CFAP100: variants seen among roughly 807,000 people sequenced by gnomAD.
The protein encoded by CFAP100 is cilia- and flagella-associated protein 100.
Under a neutral mutation model 81.5 loss-of-function variants are expected in CFAP100, and 70 were observed. That is an observed-to-expected ratio of 0.86 (90% confidence interval 0.71 to 1.05). The LOEUF (loss-of-function observed/expected upper bound fraction) is 1.05, where lower values mean the gene tolerates loss of function less well. Among genes scored for constraint, CFAP100 ranks in the 50% least tolerant of loss-of-function variants. The pLI, the probability that CFAP100 is intolerant of heterozygous loss-of-function variation, is 0.00. For missense variants in CFAP100, 811 were observed against 776.5 expected (o/e 1.04, Z -0.53); for synonymous variants, 341 against 314.8 (o/e 1.08, Z -0.88).
intron 3 of CFAP100, among the ~76,000 whole-genome samples, chr3:126,407,635 G>T (rs1302599584): frequency 3.3e-5 from 5 of 152,156 alleles, no homozygotes; most frequent in African/African-American, 1.2e-4. Context: ...CTGATTCCAG[G>T]CAGGGAAAAG....
At chr3:126,428,506 A>C (rs751820819) in intron 13 of CFAP100, among the ~76,000 whole-genome samples, 12 of 152,226 alleles carry the variant, frequency 7.9e-5, no homozygotes, top group Non-Finnish European at 1.6e-4. Context: ...ACCTGCATGT[A>C]AAGTCTGGAC....
At chr3:126,418,179 G>C (rs994525551) in intron 5 of CFAP100, 2 of 446,838 alleles carry the variant, frequency 4.5e-6, no homozygotes, top group Non-Finnish European at 8.2e-6. Flanking sequence ...GAGCCTTACT[G>C]CAAGTGAGTG....
At position 126,420,219 on chromosome 3, in the gene CFAP100, G is replaced by A. The variant is rs377186686; in HGVS notation, c.1072G>A (p.Asp358Asn). The A allele has an allele frequency of 3.1e-5, 50 of 1,612,046 alleles. No individual in the cohort carries two copies. The highest frequency in any genetic ancestry group is 3.7e-4 in the Middle Eastern group (2 of 5,360). ...CCAGCCCAGCGAGTCCAGCGGTGGC[G>A]ACTCCAGAGGGTGAGTGGGCTCGGG... ...GSQPSESSGGDSRGSNSPIPP... is the reference protein window; with the variant it reads ...GSQPSESSGGNSRGSNSPIPP... The change falls in exon 11 of 17, where the codon GAC (aspartate) becomes AAC (asparagine). Residue 358 changes from aspartate to asparagine, a missense_variant. By Grantham distance (23) the Asp-to-Asn change is conservative (BLOSUM62 1). Transcript: ENST00000352312.
At chr3:126,403,403 G>C (rs1241852122) in intron 2 of CFAP100, among the ~76,000 whole-genome samples, 8 of 58,630 alleles carry the variant, frequency 1.4e-4, no homozygotes, top group Non-Finnish European at 2.6e-4. Flanking sequence ...TTTTTTTTTT[G>C]AGACAGGGTC....
chr3:126,421,209 G>A (rs1159485640), intron 11 of CFAP100, among the ~76,000 whole-genome samples: 1 of 152,018 alleles, frequency 6.6e-6, no homozygotes, highest in Non-Finnish European at 1.5e-5. Flanking sequence ...TTGCCATGTT[G>A]GGCAGGCTGG....
At chr3:126,397,264 G>T (rs1202229890) in intron 2 of CFAP100, among the ~76,000 whole-genome samples, 2 of 152,224 alleles carry the variant, frequency 1.3e-5, no homozygotes, top group South Asian at 4.1e-4. Context: ...CTGTTCATAT[G>T]GGTGATTAGC....
intron 4 of CFAP100, chr3:126,414,447 C>CA: frequency 1.6e-6 from 1 of 618,318 alleles, no homozygotes; most frequent in Non-Finnish European, 2.9e-6. Flanking sequence ...GCAACAGCCT[C>CA]AGCCACCTCG....
chr3:126,430,852 T>A (rs75343794), intron 13 of CFAP100, among the ~76,000 whole-genome samples: 2,127 of 152,258 alleles, frequency 0.014, 21 homozygotes, highest in South Asian at 0.023. Flanking sequence ...GTCTTACAGT[T>A]CACTGGGAGT....
rs58954079 is a variant in CFAP100 at position 126,411,361 on chromosome 3, G to GTTTTTTTTTTTTTTTTTTTTTTTTTTTTT, written c.131-2698_131-2697insTTTTTTTTTTTTTTTTTTTTTTTTTTTTT. Among the ~76,000 whole-genome samples, 10 of 35,384 alleles carry GTTTTTTTTTTTTTTTTTTTTTTTTTTTTT rather than the reference G, an allele frequency of 2.8e-4. 3 individuals carry two copies. Among genetic ancestry groups the GTTTTTTTTTTTTTTTTTTTTTTTTTTTTT allele is most frequent in the Non-Finnish European group, 2.8e-4 (6 of 21,538 alleles). 23.2% of individuals were successfully genotyped at this position (35,384 alleles called of 152,430 possible). A position where few individuals can be genotyped will look rare whatever the true frequency, so the allele number is the denominator to read the frequency against. ...TCTGTAGTTTTTTTTGTTGTTGTTG[G>GTTTTTTTTTTTTTTTTTTTTTTTTTTTTT]TTTTTTTTTTTTTTTTTTTTTTTTT... is the stretch of plus-strand genomic sequence containing the variant. On this transcript the variant is annotated intron_variant, in intron 3 of 16. Transcript: ENST00000352312.
chr3:126,419,933 C>G (rs964229607), intron 9 of CFAP100, 47 bp from the exon 10 acceptor site: 1 of 1,612,656 alleles, frequency 6.2e-7, no homozygotes, highest in Non-Finnish European at 8.5e-7. Context: ...GTTGCTGAAG[C>G]TTGGCTGCAG....
intron 8 of CFAP100, 103 bp from the exon 9 acceptor site, chr3:126,419,534 C>A: frequency 9.7e-7 from 1 of 1,035,758 alleles, no homozygotes; most frequent in Non-Finnish European, 1.4e-6. Context: ...ACAAGGAGCC[C>A]ACACAGACTT....
intron 13 of CFAP100, among the ~76,000 whole-genome samples, chr3:126,430,983 G>C (rs1041746103): frequency 6.6e-6 from 1 of 152,092 alleles, no homozygotes; most frequent in African/African-American, 2.4e-5. Context: ...GATTTTTCAT[G>C]ATCCTTGTGG....
chr3:126,418,908 G>C, intron 7 of CFAP100, 134 bp downstream of exon 7: 5 of 1,195,968 alleles, frequency 4.2e-6, no homozygotes, highest in Non-Finnish European at 5.8e-6. Context: ...CCGGTCGGGA[G>C]CCAAGGGCAG....
intron 13 of CFAP100, among the ~76,000 whole-genome samples, chr3:126,425,381 T>A (rs923374590): frequency 6.6e-6 from 1 of 152,204 alleles, no homozygotes; most frequent in South Asian, 2.1e-4. Flanking sequence ...TAGACAATCA[T>A]AATAGGCCTA....
intron 3 of CFAP100, among the ~76,000 whole-genome samples, chr3:126,413,553 C>T (rs778183293): frequency 1.3e-5 from 2 of 152,192 alleles, no homozygotes; most frequent in Non-Finnish European, 2.9e-5. Context: ...GACAAGAGTC[C>T]ACCCTGCAAA....
intron 12 of CFAP100, 42 bp from the exon 13 acceptor site, chr3:126,423,451 C>T (rs751267421): frequency 1.2e-6 from 2 of 1,612,044 alleles, no homozygotes; most frequent in South Asian, 1.1e-5. Context: ...GCCCCTCTGG[C>T]TCTGTCCCTG....
At chr3:126,402,278 GC>G (rs1441694190) in intron 2 of CFAP100, among the ~76,000 whole-genome samples, 49 of 152,202 alleles carry the variant, frequency 3.2e-4, no homozygotes, top group African/African-American at 1.1e-3. Flanking sequence ...GTGTGGTGAG[GC>G]CAACAGAGCA....
chr3:126,402,212 G>A (rs2082996363), intron 2 of CFAP100, among the ~76,000 whole-genome samples: 1 of 152,218 alleles, frequency 6.6e-6, no homozygotes, highest in East Asian at 1.9e-4. Flanking sequence ...TGGGGGTGGT[G>A]AGGGATGGGA....
chr3:126,433,971 G>A, intron 14 of CFAP100: 1 of 554,270 alleles, frequency 1.8e-6, no homozygotes, highest in East Asian at 3.1e-5. Context: ...GGATCTGGCT[G>A]ACTCCAGGGG....
Sources: allele counts gnomAD v4.1 joint callset (sites outside exome capture counted in the v4.1 genomes callset), GRCh38; gene constraint gnomAD v4.1.1; transcripts MANE v1.5; gene names NCBI Gene and HGNC (gene_info 2026-07-23, HGNC 2026-07-21).